Variants in MYCBP observed in about 807,000 individuals in gnomAD.
MYCBP encodes the protein C-Myc-binding protein.
A neutral mutation model predicts 16.8 loss-of-function variants in MYCBP; 5 were observed. The observed-to-expected ratio is 0.30, with a 90% confidence interval of 0.16 to 0.63. The LOEUF (loss-of-function observed/expected upper bound fraction) is 0.63, where lower values mean the gene tolerates loss of function less well. MYCBP is among the 20% of genes least tolerant of loss of function. The pLI is 0.83. For synonymous variants in MYCBP, 35 were observed against 43.7 expected (o/e 0.80, Z 0.79); for missense variants, 103 against 121.8 (o/e 0.85, Z 0.73).
rs1393039957 is a variant in MYCBP, at chr1:38,863,746, G to C, written c.*924C>G. 1 of 152,442 alleles carries C rather than the reference G, an allele frequency of 6.6e-6. No homozygotes were observed. The highest frequency in any genetic ancestry group is 2.4e-5 in the African/African-American group (1 of 41,372). The allele number at this position is 152,442 out of a possible 1,614,324, so 9.4% of individuals were successfully genotyped here. A position where few individuals can be genotyped will look rare whatever the true frequency, so the allele number is the denominator to read the frequency against. On this transcript the variant is annotated 3_prime_UTR_variant, in exon 5 of 5. Transcript: ENST00000397572. ...TATACTTGTCCCACCTACTTCACAG[G>C]GATAATGAAGATAAAATGAATTCAA...
At chr1:38,869,198 C>T (rs895143605) in intron 2 of MYCBP, among the ~76,000 whole-genome samples, 3 of 151,492 alleles carry the variant, frequency 2.0e-5, no homozygotes, top group Non-Finnish European at 2.9e-5. Context: ...AAGCGATTCT[C>T]CTGCCTCAGC....
In MYCBP at chr1:38,864,520, A is replaced by G. The variant is rs1282085091; in HGVS notation, c.*150T>C. 6 of 795,700 alleles carry G rather than the reference A, an allele frequency of 7.5e-6. No homozygotes were observed. The highest frequency in any genetic ancestry group is 1.2e-5 in the Non-Finnish European group (6 of 490,202). 49.3% of individuals were successfully genotyped at this position (795,700 alleles called of 1,614,324 possible). On this transcript the variant is annotated 3_prime_UTR_variant, in exon 5 of 5. Transcript: ENST00000397572. Reference sequence around the variant, plus strand: ...AGAAAGTTATATTGAGTTTTTATTGATGATTCTATGTGTTTTTAACAGAGT... The same window carrying G: ...AGAAAGTTATATTGAGTTTTTATTGGTGATTCTATGTGTTTTTAACAGAGT...
rs539191764 is a variant in MYCBP at position 38,865,379 on chromosome 1, G to A, written c.268-665C>T. Among the ~76,000 whole-genome samples the A allele has an allele frequency of 4.5e-4, 69 of 152,176 alleles. 1 individual carries two copies. The highest frequency in any genetic ancestry group is 2.4e-4 in the Non-Finnish European group (16 of 68,040). On this transcript the variant is annotated intron_variant, in intron 4 of 4. Transcript: ENST00000397572. ...ACTTATCTCACAAAGTTGTTGAGAA[G>A]ATAAAATATATTATGAGAAATACTT...
Position 38,872,998 on chromosome 1 carries a change from C to A in MYCBP, c.88+20G>T. On this transcript the variant is annotated intron_variant, in intron 2 of 4. Transcript: ENST00000397572. Reference sequence around the variant, plus strand: ...GAGCACGACGAGGGCACGAGGTACCCTCTCCTAGCCCAGGCTCACCCTTGG... The same window carrying A: ...GAGCACGACGAGGGCACGAGGTACCATCTCCTAGCCCAGGCTCACCCTTGG... 1 of 1,563,940 alleles carries A rather than the reference C, an allele frequency of 6.4e-7. No homozygotes were observed. Among genetic ancestry groups the A allele is most frequent in the Non-Finnish European group, 8.7e-7 (1 of 1,154,306 alleles).
At chr1:38,866,118 G>A (rs1169842608) in intron 4 of MYCBP, among the ~76,000 whole-genome samples, 10 of 128,724 alleles carry the variant, frequency 7.8e-5, no homozygotes, top group East Asian at 2.4e-4. Context: ...GCACAGTCTC[G>A]GCTCACTGCA....
At chr1:38,872,779 CTT>C (rs1414107164) in intron 2 of MYCBP, among the ~76,000 whole-genome samples, 4 of 152,266 alleles carry the variant, frequency 2.6e-5, no homozygotes, top group Admixed American at 6.5e-5. Flanking sequence ...GTTGAAGAGA[CTT>C]TGCAACAGCT....
Position 38,864,614 on chromosome 1 carries a change from A to C in MYCBP, c.*56T>G. ...GTTCAGAAAAGATTATATACTATAC[A>C]AACTATTCAAGTCATACAAAACCAT... On this transcript the variant is annotated 3_prime_UTR_variant, in exon 5 of 5. Coordinates refer to ENST00000397572, the MANE Select transcript of MYCBP (RefSeq NM_012333.5). The C allele has an allele frequency of 1.3e-6, 2 of 1,546,294 alleles. No individual in the cohort carries two copies. The highest frequency in any genetic ancestry group is 1.1e-5 in the South Asian group (1 of 89,644).
Position 38,864,493 on chromosome 1 carries a change from A to G in MYCBP, c.*177T>C, listed in dbSNP as rs1570879792. On this transcript the variant is annotated 3_prime_UTR_variant, in exon 5 of 5. Transcript: ENST00000397572. ...TTTGGATTCTCCTGCTTTAAGACCC[A>G]AAGAAAGTTATATTGAGTTTTTATT... The G allele has an allele frequency of 2.9e-6, 2 of 691,038 alleles. No homozygotes were observed. The highest frequency in any genetic ancestry group is 4.9e-6 in the Non-Finnish European group (2 of 410,508). 42.8% of individuals were successfully genotyped at this position (691,038 alleles called of 1,614,324 possible). A position where few individuals can be genotyped will look rare whatever the true frequency, so the allele number is the denominator to read the frequency against.
chr1:38,871,469 C>T (rs1642466132), intron 2 of MYCBP, among the ~76,000 whole-genome samples: 1 of 131,730 alleles, frequency 7.6e-6, no homozygotes, highest in South Asian at 2.4e-4. Flanking sequence ...GTCACTGTTG[C>T]CCAGTGGCAC....
intron 2 of MYCBP, among the ~76,000 whole-genome samples, chr1:38,870,200 A>T (rs1642431688): frequency 6.7e-6 from 1 of 149,810 alleles, no homozygotes; most frequent in Non-Finnish European, 1.5e-5. Context: ...ATTAAAAATC[A>T]GCCGGACATG....
At position 38,864,540 on chromosome 1, in the gene MYCBP, CAG is replaced by C. The variant is rs1177933495; in HGVS notation, c.*128_*129del. The C allele has an allele frequency of 3.2e-6, 3 of 924,502 alleles. No homozygotes were observed. Among genetic ancestry groups the C allele is most frequent in the South Asian group, 3.0e-5 (2 of 67,064 alleles). 57.3% of individuals were successfully genotyped at this position (924,502 alleles called of 1,614,324 possible). A position where few individuals can be genotyped will look rare whatever the true frequency, so the allele number is the denominator to read the frequency against. Reference sequence around the variant, plus strand: ...TATTGATGATTCTATGTGTTTTTAACAGAGTGTGATAGGTGAATTAAACATAT... The same window carrying C: ...TATTGATGATTCTATGTGTTTTTAACAGTGTGATAGGTGAATTAAACATAT... On this transcript the variant is annotated 3_prime_UTR_variant, in exon 5 of 5. Coordinates refer to ENST00000397572, the MANE Select transcript of MYCBP (RefSeq NM_012333.5).
At position 38,873,336 on chromosome 1, in the gene MYCBP, G is replaced by A. The variant is rs771466570; in HGVS notation, c.-31C>T. ...CAGCGGCAGCGGCGTAGCTGGCGCCGGAGACCGCGACTGGCGGGTTGGGAG... is the reference window on the plus strand; with the variant it reads ...CAGCGGCAGCGGCGTAGCTGGCGCCAGAGACCGCGACTGGCGGGTTGGGAG... On this transcript the variant is annotated 5_prime_UTR_variant, in exon 1 of 5. Coordinates refer to ENST00000397572, the MANE Select transcript of MYCBP (RefSeq NM_012333.5). The A allele has an allele frequency of 3.1e-6, 5 of 1,598,520 alleles. No homozygotes were observed. Among genetic ancestry groups the A allele is most frequent in the Admixed American group, 1.7e-5 (1 of 59,588 alleles).
intron 2 of MYCBP, among the ~76,000 whole-genome samples, chr1:38,868,663 T>C (rs2124257726): frequency 6.6e-6 from 1 of 152,292 alleles, no homozygotes; most frequent in South Asian, 2.1e-4. Flanking sequence ...CCCAGCACTT[T>C]GGGAGGCCAA....
At chr1:38,869,612 C>T (rs1453709333) in intron 2 of MYCBP, among the ~76,000 whole-genome samples, 2 of 152,016 alleles carry the variant, frequency 1.3e-5, no homozygotes, top group Non-Finnish European at 2.9e-5. Context: ...TTTTTGCCTT[C>T]GCAGCCAGGA....
rs60684785 is a variant in MYCBP, at chr1:38,870,799, CAAAAAAAAAAAAAA to C, written c.88+2205_88+2218del. 2.3e-4 allele frequency among the ~76,000 whole-genome samples: 14 copies of C among 60,684 alleles called. No homozygotes were observed. In the South Asian group the frequency reaches 0.011, roughly 46 times the overall value. 39.8% of individuals were successfully genotyped at this position (60,684 alleles called of 152,430 possible). A position where few individuals can be genotyped will look rare whatever the true frequency, so the allele number is the denominator to read the frequency against. On this transcript the variant is annotated intron_variant, in intron 2 of 4. Transcript: ENST00000397572. ...TGGGCGACAGAGCGAGACTCCGTCT[CAAAAAAAAAAAAAA>C]AAAAAAAAAAAAAAACAAATAGAAT...
chr1:38,872,911 G>A (rs1477855732), intron 2 of MYCBP, 107 bp downstream of exon 2: 4 of 1,304,174 alleles, frequency 3.1e-6, no homozygotes, highest in Non-Finnish European at 4.2e-6. Context: ...CCCCGGACGG[G>A]CCCCATCTGT....
intron 2 of MYCBP, among the ~76,000 whole-genome samples, chr1:38,869,344 T>C (rs985307357): frequency 2.0e-5 from 3 of 152,098 alleles, no homozygotes; most frequent in Non-Finnish European, 4.4e-5. Flanking sequence ...CACCTCAGCC[T>C]CCCAAAGTTC....
intron 2 of MYCBP, among the ~76,000 whole-genome samples, chr1:38,871,109 C>T (rs1444183263): frequency 2.0e-5 from 3 of 152,058 alleles, no homozygotes; most frequent in Non-Finnish European, 2.9e-5. Flanking sequence ...AGCATGGTGG[C>T]ACATGCCTGT....
chr1:38,866,044 C>CTCTTTTTTTTTTTTTT (rs1642327727), intron 4 of MYCBP, among the ~76,000 whole-genome samples: 6 of 65,720 alleles, frequency 9.1e-5, no homozygotes, highest in African/African-American at 4.7e-4. Context: ...CTAAGAACCT[C>CTCTTTTTTTTTTTTTT]TTTTTTTTTT....
Sources: allele counts gnomAD v4.1 joint callset (sites outside exome capture counted in the v4.1 genomes callset), GRCh38; gene constraint gnomAD v4.1.1; transcripts MANE v1.5; gene names NCBI Gene and HGNC (gene_info 2026-07-23, HGNC 2026-07-21).